ZNF560: variants seen among roughly 807,000 people sequenced by gnomAD.
ZNF560 encodes zinc finger protein 560.
In ZNF560, 54 loss-of-function variants were observed where a neutral mutation model predicts 81.8. That is an observed-to-expected ratio of 0.66 (90% CI 0.53 to 0.83). ZNF560 has a LOEUF of 0.83. Ranked by LOEUF, ZNF560 falls within the 40% of genes least tolerant of loss-of-function variation. The pLI, the probability that ZNF560 is intolerant of heterozygous loss-of-function variation, is 0.00. For missense variants in ZNF560, 940 were observed against 932.4 expected, an observed-to-expected ratio of 1.01 and a Z score of -0.11; for synonymous variants, 321 against 317.9, an observed-to-expected ratio of 1.01 and a Z score of -0.10.
At position 9,485,686 on chromosome 19, in the gene ZNF560, C is replaced by G. The variant is rs554701007; in HGVS notation, c.-56-10317G>C. On this transcript the variant is annotated intron_variant, in intron 2 of 9. Coordinates refer to ENST00000301480, the MANE Select transcript of ZNF560 (RefSeq NM_152476.3). ...TCAGCCTCCCTAGTAGCTGGGATGA[C>G]AGGCGTGCACTGCCACACCCAGCTA... 1.9e-3 allele frequency among the ~76,000 whole-genome samples: 284 copies of G among 151,960 alleles called. 1 individual carries two copies. Among genetic ancestry groups the G allele is most frequent in the African/African-American group, 6.5e-3 (269 of 41,482 alleles).
In ZNF560 at chr19:9,473,485, G is replaced by T. The variant is rs543289987; in HGVS notation, c.158-226C>A. Among the ~76,000 whole-genome samples, 15 of 152,062 alleles carry T rather than the reference G, an allele frequency of 9.9e-5. No individual in the cohort carries two copies. In the East Asian group the frequency reaches 2.9e-3, roughly 29 times the overall value. ...CCCAGCTACTTGGGGGGCTGAGACA[G>T]AAGAATTGCTTGAACCCAGGAGGCA... On this transcript the variant is annotated intron_variant, in intron 4 of 9. Coordinates refer to ENST00000301480, the MANE Select transcript of ZNF560 (RefSeq NM_152476.3).
chr19:9,457,511 T>C, the ZNF560 span, among the ~76,000 whole-genome samples: 1 of 152,224 alleles, frequency 6.6e-6, no homozygotes, highest in East Asian at 1.9e-4. Context: ...ATAAAAGATT[T>C]TCACAGTGTT....
intron 3 of ZNF560, 76 bp downstream of exon 3, chr19:9,475,208 C>T: frequency 6.7e-7 from 1 of 1,502,256 alleles, no homozygotes; most frequent in Non-Finnish European, 9.2e-7. Flanking sequence ...TCTGGAGACA[C>T]ATCTGCCTAG....
At chr19:9,460,917 G>T in the ZNF560 span, among the ~76,000 whole-genome samples, 1 of 152,190 alleles carries the variant, frequency 6.6e-6, no homozygotes, top group Non-Finnish European at 1.5e-5. Flanking sequence ...TTGCACCTCT[G>T]TCTGCATGTG....
the ZNF560 span, among the ~76,000 whole-genome samples, chr19:9,506,561 A>C: frequency 1.3e-5 from 2 of 152,180 alleles, no homozygotes; most frequent in African/African-American, 4.8e-5. Context: ...TATATTTTCC[A>C]ATATACTTAC....
chr19:9,461,492 A>G (rs1408146972), downstream of ZNF560, among the ~76,000 whole-genome samples: 3 of 152,160 alleles, frequency 2.0e-5, no homozygotes, highest in Non-Finnish European at 4.4e-5. Flanking sequence ...TTATTATGGG[A>G]CTGATTGCTG....
chr19:9,499,037 C>G (rs1054066855), upstream of ZNF560, among the ~76,000 whole-genome samples: 2 of 152,256 alleles, frequency 1.3e-5, no homozygotes, highest in Non-Finnish European at 2.9e-5. Context: ...TCGATCACGT[C>G]TTTAGAACTT....
At chr19:9,493,711 C>T (rs1192602077) in intron 2 of ZNF560, among the ~76,000 whole-genome samples, 1 of 152,120 alleles carries the variant, frequency 6.6e-6, no homozygotes, top group East Asian at 1.9e-4. Flanking sequence ...CATGTATTTA[C>T]ATAAACCAAT....
rs989738029 is a variant in ZNF560, at chr19:9,471,280, C to G, written c.321+16G>C. 9 of 1,539,920 alleles carry G rather than the reference C, an allele frequency of 5.8e-6. No homozygotes were observed. Among genetic ancestry groups the G allele is most frequent in the Non-Finnish European group, 7.9e-6 (9 of 1,139,376 alleles). On this transcript the variant is annotated intron_variant, in intron 6 of 9. Coordinates refer to ENST00000301480, the MANE Select transcript of ZNF560 (RefSeq NM_152476.3). ...TCTGAGTGTGAAAAATAAGAAATACCCTTTCTTAACATTACCATTTGTATC... is the reference window on the plus strand; with the variant it reads ...TCTGAGTGTGAAAAATAAGAAATACGCTTTCTTAACATTACCATTTGTATC...
downstream of ZNF560, among the ~76,000 whole-genome samples, chr19:9,463,892 G>A (rs377540609): frequency 1.6e-4 from 24 of 152,000 alleles, no homozygotes; most frequent in Admixed American, 1.4e-3. Flanking sequence ...CATGTTGCCC[G>A]GGCTGGTCTT....
the ZNF560 span, among the ~76,000 whole-genome samples, chr19:9,450,245 C>T: frequency 2.0e-5 from 3 of 151,132 alleles, no homozygotes; most frequent in East Asian, 3.9e-4. Context: ...GAGCCGAGAT[C>T]GCGCTATTGC....
intron 2 of ZNF560, among the ~76,000 whole-genome samples, chr19:9,483,435 C>A (rs1454714886): frequency 6.6e-6 from 1 of 151,758 alleles, no homozygotes; most frequent in African/African-American, 2.4e-5. Flanking sequence ...GGCAGCCACC[C>A]CATCTGGGAA....
chr19:9,495,058 A>G (rs1409458474), intron 2 of ZNF560, among the ~76,000 whole-genome samples: 1 of 152,186 alleles, frequency 6.6e-6, no homozygotes, highest in Non-Finnish European at 1.5e-5. Context: ...GTGGAAATAC[A>G]TTCTGTTATA....
chr19:9,506,016 GTCT>G, the ZNF560 span, among the ~76,000 whole-genome samples: 1 of 150,370 alleles, frequency 6.7e-6, no homozygotes, highest in Non-Finnish European at 1.5e-5. Context: ...TTGAGATGGA[GTCT>G]TCTTGCTCTG....
chr19:9,498,653 A>C (rs181419812), upstream of ZNF560: 5 of 152,414 alleles, frequency 3.3e-5, no homozygotes, highest in East Asian at 9.7e-4. Flanking sequence ...GGGGCATTGG[A>C]AGGGGCGTGG....
chr19:9,469,093 T>C lies in ZNF560; in HGVS notation c.612+12A>G, dbSNP rs779264954. ...AATGTGAAAAATAAGAAAGTTCTTT[T>C]GTTAATCTTACCAACTGTATCCCAT... On this transcript the variant is annotated intron_variant, in intron 9 of 9. Transcript: ENST00000301480. The C allele has an allele frequency of 7.0e-6, 11 of 1,565,508 alleles. No homozygotes were observed. In the African/African-American group the frequency reaches 1.5e-4, roughly 21 times the overall value.
chr19:9,458,312 A>G, the ZNF560 span, among the ~76,000 whole-genome samples: 2 of 152,242 alleles, frequency 1.3e-5, no homozygotes, highest in African/African-American at 4.8e-5. Flanking sequence ...TCTCCCTAAA[A>G]TGACTAAATC....
At position 9,468,238 on chromosome 19, in the gene ZNF560, T is replaced by C. The variant is rs1477284851; in HGVS notation, c.709A>G (p.Asn237Asp). ...ATACATTCAGACGTGTTGCCTCTAT[T>C]TTGAGTACTCATGTTGGTCTTAAGG... ...PCLKTNMSTQ[N>D]RGNTSECIQY... Residue 237 changes from asparagine (N) to aspartate (D), a missense_variant, in exon 10 of 10, where the codon AAT becomes GAT. By Grantham distance (23) the Asn-to-Asp change is conservative. Coordinates refer to ENST00000301480, the MANE Select transcript of ZNF560 (RefSeq NM_152476.3). 1.2e-6 allele frequency: 2 copies of C among 1,614,044 alleles called. No individual in the cohort carries two copies. Among genetic ancestry groups the C allele is most frequent in the African/African-American group, 2.7e-5 (2 of 74,944 alleles).
At chr19:9,458,426 C>G in the ZNF560 span, among the ~76,000 whole-genome samples, 803 of 152,362 alleles carry the variant, frequency 5.3e-3, 7 homozygotes, top group Non-Finnish European at 9.1e-3. Flanking sequence ...CCCTATACTT[C>G]AGCTCAAAAA....
Sources: gnomAD v4.1 joint callset for allele counts (sites outside exome capture counted in the v4.1 genomes callset) on GRCh38, gnomAD v4.1.1 for gene constraint, MANE v1.5 for transcripts, NCBI Gene and HGNC (gene_info 2026-07-23, HGNC 2026-07-21) for gene names.